The following ESRRB variants were observed in gnomAD, a reference collection of about 807,000 sequenced individuals.
ESRRB encodes the protein steroid hormone receptor ERR2.
In ESRRB, 16 loss-of-function variants were observed where a neutral mutation model predicts 46.0. The observed-to-expected ratio is 0.35, with a 90% CI of 0.24 to 0.53. The LOEUF (loss-of-function observed/expected upper bound fraction) is 0.53, where lower values mean the gene tolerates loss of function less well. ESRRB is among the 20% of genes least tolerant of loss of function. The pLI is 0.93. For missense variants in ESRRB, 488 were observed against 607.4 expected, an observed-to-expected ratio of 0.80 and a Z score of 2.07; for synonymous variants, 246 against 259.6, an observed-to-expected ratio of 0.95 and a Z score of 0.50.
At position 76,439,621 on chromosome 14, in the gene ESRRB, A is replaced by G. The variant is rs1002514503; in HGVS notation, c.331A>G (p.Lys111Glu). 2 of 1,614,222 alleles carry G rather than the reference A, an allele frequency of 1.2e-6. No individual in the cohort carries two copies. Among genetic ancestry groups the G allele is most frequent in the Non-Finnish European group, 8.5e-7 (1 of 1,180,024 alleles). The part of the protein sequence containing the change: ...ASGIMEDSAI[K>E]CEYMLNAIPK... ...CGGCATCATGGAGGACTCGGCCATC[A>G]AGTGCGAGTACATGCTCAACGCCAT... The change falls in exon 2 of 7, where the codon AAG becomes GAG. Residue 111 changes from lysine (K) to glutamate (E), a missense_variant. By Grantham distance (56) the Lys-to-Glu change is moderately conservative (BLOSUM62 1). Transcript: ENST00000644823.
At chr14:76,466,690 G>A (rs1475194393) in intron 3 of ESRRB, among the ~76,000 whole-genome samples, 1 of 151,912 alleles carries the variant, frequency 6.6e-6, no homozygotes, top group Non-Finnish European at 1.5e-5. Context: ...TTCTGCCCCT[G>A]GTTATTAGGT....
chr14:76,380,380 T>C (rs1005857537), intron 1 of ESRRB, among the ~76,000 whole-genome samples: 2 of 152,192 alleles, frequency 1.3e-5, no homozygotes, highest in African/African-American at 4.8e-5. Flanking sequence ...AGAAACAGGA[T>C]GCTTTTGGCC....
At chr14:76,479,551 C>T (rs754268288) in intron 3 of ESRRB, among the ~76,000 whole-genome samples, 15 of 152,148 alleles carry the variant, frequency 9.9e-5, no homozygotes, top group South Asian at 2.1e-4. Context: ...TCAGGAGGTT[C>T]AAAGAGTACA....
chr14:76,483,507 C>T (rs933626859), intron 5 of ESRRB, among the ~76,000 whole-genome samples: 7 of 152,182 alleles, frequency 4.6e-5, no homozygotes, highest in South Asian at 2.1e-4. Flanking sequence ...GACTTCTCTT[C>T]GCTGTGTGTG....
At chr14:76,360,570 C>A (rs1595054544) in intron 1 of ESRRB, among the ~76,000 whole-genome samples, 1 of 152,270 alleles carries the variant, frequency 6.6e-6, no homozygotes, top group East Asian at 1.9e-4. Flanking sequence ...AGAACATGAC[C>A]CTGAGAATAC....
chr14:76,398,587 G>T (rs1019005254), intron 1 of ESRRB, among the ~76,000 whole-genome samples: 3 of 152,174 alleles, frequency 2.0e-5, no homozygotes, highest in Non-Finnish European at 4.4e-5. Flanking sequence ...AGGAGGGTAG[G>T]GCTGTGGGGG....
chr14:76,500,960 CATTGGACACTCAGAAA>C lies in ESRRB; in HGVS notation c.*2504_*2519del. ...GAAAGTTCCTGGTACTGAAGGGGTCCATTGGACACTCAGAAAAGAAGTTCAGGGGCCAACTTCTTAG... is the reference window on the plus strand; with the variant it reads ...GAAAGTTCCTGGTACTGAAGGGGTCCAGAAGTTCAGGGGCCAACTTCTTAG... On this transcript the variant is annotated 3_prime_UTR_variant, in exon 7 of 7. Coordinates refer to ENST00000644823, the MANE Select transcript of ESRRB (RefSeq NM_001379180.1). The C allele has an allele frequency of 3.4e-6, 2 of 582,756 alleles. No individual in the cohort carries two copies. The highest frequency in any genetic ancestry group is 6.1e-6 in the Non-Finnish European group (2 of 326,534). 36.1% of individuals were successfully genotyped at this position (582,756 alleles called of 1,614,324 possible).
intron 2 of ESRRB, among the ~76,000 whole-genome samples, chr14:76,458,552 G>T (rs1317538940): frequency 6.6e-6 from 1 of 151,896 alleles, no homozygotes. Context: ...TGGTCCTCTT[G>T]TCCTGGGAGA....
At chr14:76,466,139 T>C (rs1889100336) in intron 3 of ESRRB, among the ~76,000 whole-genome samples, 1 of 151,814 alleles carries the variant, frequency 6.6e-6, no homozygotes, top group Admixed American at 6.6e-5. Context: ...CCAGGGCTGC[T>C]CTCCGCTTTA....
chr14:76,354,866 C>T (rs1884360176), intron 1 of ESRRB, among the ~76,000 whole-genome samples: 1 of 151,980 alleles, frequency 6.6e-6, no homozygotes, highest in Non-Finnish European at 1.5e-5. Context: ...TCCACCACCA[C>T]GCCCGGCTAA....
chr14:76,329,198 C>T (rs922790015), intron 1 of ESRRB, among the ~76,000 whole-genome samples: 1 of 152,202 alleles, frequency 6.6e-6, no homozygotes, highest in Non-Finnish European at 1.5e-5. Context: ...GAGAACTTGT[C>T]TTCCCAGGGC....
chr14:76,336,735 C>G (rs1012601776), intron 1 of ESRRB, among the ~76,000 whole-genome samples: 14 of 152,140 alleles, frequency 9.2e-5, no homozygotes, highest in Admixed American at 4.6e-4. Flanking sequence ...GGGGCGATAC[C>G]CACTCTTCAC....
chr14:76,363,322 C>A (rs1195313654), intron 1 of ESRRB, among the ~76,000 whole-genome samples: 1 of 152,296 alleles, frequency 6.6e-6, no homozygotes, highest in African/African-American at 2.4e-5. Context: ...TTCAAGTGCA[C>A]CTAGCTGGCT....
chr14:76,316,255 C>T (rs1474969342), intron 1 of ESRRB, among the ~76,000 whole-genome samples: 1 of 152,200 alleles, frequency 6.6e-6, no homozygotes, highest in Non-Finnish European at 1.5e-5. Flanking sequence ...TGTTCCCATG[C>T]AGGGACTCAC....
At chr14:76,420,582 T>TGC (rs1461287985) in intron 1 of ESRRB, among the ~76,000 whole-genome samples, 4 of 151,202 alleles carry the variant, frequency 2.6e-5, no homozygotes, top group Admixed American at 6.6e-5. Context: ...TGTGTGTGTG[T>TGC]GTGTGTGTGT....
intron 1 of ESRRB, among the ~76,000 whole-genome samples, chr14:76,384,038 T>A (rs920202286): frequency 5.9e-5 from 9 of 152,198 alleles, no homozygotes; most frequent in African/African-American, 2.2e-4. Flanking sequence ...GGGATCTTGG[T>A]GATGCACAGT....
intron 1 of ESRRB, among the ~76,000 whole-genome samples, chr14:76,401,180 TG>T (rs1181554651): frequency 1.3e-5 from 2 of 152,214 alleles, no homozygotes; most frequent in African/African-American, 2.4e-5. Flanking sequence ...CGAAACAGAC[TG>T]GGAGTTGTCA....
At chr14:76,442,558 G>A (rs1038638841) in intron 2 of ESRRB, among the ~76,000 whole-genome samples, 7 of 152,200 alleles carry the variant, frequency 4.6e-5, no homozygotes, top group African/African-American at 1.2e-4. Context: ...AGAAGCTTAC[G>A]TGAGTTAATA....
chr14:76,375,398 C>A (rs1408157023), upstream of ESRRB, among the ~76,000 whole-genome samples: 2 of 152,112 alleles, frequency 1.3e-5, no homozygotes, highest in Admixed American at 1.3e-4. Context: ...GTGGATGTGG[C>A]GGGTAAGTTG....
Sources: gnomAD v4.1 joint callset for allele counts (sites outside exome capture counted in the v4.1 genomes callset) on GRCh38, gnomAD v4.1.1 for gene constraint, MANE v1.5 for transcripts, NCBI Gene and HGNC (gene_info 2026-07-23, HGNC 2026-07-21) for gene names.